Variants in TECPR2 observed in about 807,000 individuals in gnomAD.
TECPR2 encodes tectonin beta-propeller repeat-containing protein 2.
In TECPR2, 65 loss-of-function variants were observed where a neutral mutation model predicts 138.1. The ratio of observed to expected loss-of-function variants is 0.47; its 90% confidence interval spans 0.39 to 0.58. TECPR2 has a LOEUF of 0.58. Among genes scored for constraint, TECPR2 ranks in the 20% least tolerant of loss-of-function variants. The pLI, the probability that TECPR2 is intolerant of heterozygous loss-of-function variation, is 0.00. For missense variants in TECPR2, 1,553 were observed against 1,824.5 expected, an observed-to-expected ratio of 0.85 and a Z score of 2.71; for synonymous variants, 746 against 749.8, an observed-to-expected ratio of 0.99 and a Z score of 0.08.
chr14:102,432,195 C>T lies in TECPR2; in HGVS notation c.1417+67C>T, dbSNP rs1217485714. On this transcript the variant is annotated intron_variant, in intron 8 of 19. Transcript: ENST00000359520. ...CTTTCCAGATTCTCTGGGAGTGCTGCTGCTCACTGAGTGAGCAATGCTCCA... is the reference window on the plus strand; with the variant it reads ...CTTTCCAGATTCTCTGGGAGTGCTGTTGCTCACTGAGTGAGCAATGCTCCA... 7 of 1,396,276 alleles carry T rather than the reference C, an allele frequency of 5.0e-6. No homozygotes were observed. The East Asian group carries it at 1.5e-4, about 30-fold the overall frequency. The allele number at this position is 1,396,276 out of a possible 1,614,324, so 86.5% of individuals were successfully genotyped here.
intron 4 of TECPR2, among the ~76,000 whole-genome samples, chr14:102,409,662 A>G (rs536262227): frequency 5.3e-5 from 8 of 152,252 alleles, no homozygotes; most frequent in African/African-American, 1.9e-4. Context: ...GACCTAGTAC[A>G]AATATTCTCT....
At position 102,443,546 on chromosome 14, in the gene TECPR2, G is replaced by A. The variant is rs1163210970; in HGVS notation, c.2753-101G>A. On this transcript the variant is annotated intron_variant, in intron 11 of 19. Coordinates refer to ENST00000359520, the MANE Select transcript of TECPR2 (RefSeq NM_014844.5). The surrounding 1 kb of genome is among the most constrained non-coding windows in gnomAD (Gnocchi z 4.9). The stretch of plus-strand genomic sequence containing the variant: ...AAAGCACTCATCATAAAAGAATATA[G>A]CAAAATACCAAAAAAGGAAAAATAA... The A allele has an allele frequency of 1.4e-5, 17 of 1,185,668 alleles. No individual in the cohort carries two copies. The highest frequency in any genetic ancestry group is 3.3e-5 in the Admixed American group (1 of 29,968). 73.4% of individuals were successfully genotyped at this position (1,185,668 alleles called of 1,614,324 possible).
chr14:102,431,308 A>G (rs868151589), intron 7 of TECPR2, among the ~76,000 whole-genome samples: 1 of 149,460 alleles, frequency 6.7e-6, no homozygotes, highest in Non-Finnish European at 1.5e-5. Flanking sequence ...TGTTTCTTAG[A>G]GTCTTTTGTA....
intron 7 of TECPR2, among the ~76,000 whole-genome samples, chr14:102,430,179 AC>A (rs1889430294): frequency 6.6e-6 from 1 of 152,000 alleles, no homozygotes; most frequent in African/African-American, 2.4e-5. Flanking sequence ...GCACCATGTT[AC>A]CCAGGCTGGT....
intron 2 of TECPR2, among the ~76,000 whole-genome samples, chr14:102,391,193 G>A (rs2139674959): frequency 6.6e-6 from 1 of 152,248 alleles, no homozygotes; most frequent in East Asian, 1.9e-4. Flanking sequence ...AAATAGCTGG[G>A]ATTACAGGTG....
At chr14:102,430,988 T>C (rs974072777) in intron 7 of TECPR2, among the ~76,000 whole-genome samples, 4 of 151,892 alleles carry the variant, frequency 2.6e-5, no homozygotes, top group Non-Finnish European at 5.9e-5. Context: ...ATTTGTAAAT[T>C]GAAGCGAGAA....
intron 2 of TECPR2, among the ~76,000 whole-genome samples, chr14:102,385,666 G>A (rs1003029697): frequency 6.6e-6 from 1 of 152,304 alleles, no homozygotes; most frequent in South Asian, 2.1e-4. Context: ...AGGCATAGTG[G>A]CACACACCTG....
intron 1 of TECPR2, among the ~76,000 whole-genome samples, chr14:102,364,386 G>A (rs1011971109): frequency 1.3e-5 from 2 of 152,256 alleles, no homozygotes; most frequent in African/African-American, 4.8e-5. Flanking sequence ...TTTGGCCATC[G>A]TGTGCCAGCA....
chr14:102,477,160 A>T (rs1890783851), intron 17 of TECPR2, among the ~76,000 whole-genome samples: 5 of 152,248 alleles, frequency 3.3e-5, no homozygotes, highest in Admixed American at 3.3e-4. Context: ...ACCTGAGGTC[A>T]GTAGTTCAAG....
chr14:102,394,558 G>A (rs1174492991), intron 2 of TECPR2, among the ~76,000 whole-genome samples: 7 of 152,060 alleles, frequency 4.6e-5, no homozygotes, highest in African/African-American at 7.2e-5. Context: ...AGCCATGATC[G>A]GGCCACTGCA....
At position 102,497,057 on chromosome 14, in the gene TECPR2, G is replaced by A. The variant is rs759184941; in HGVS notation, c.3868G>A (p.Val1290Met). ...MLWVLDSRWN[V>M]HVRTGITEEM... ...GTGGGTGCTTGACAGCAGGTGGAAC[G>A]TGCACGTGCGGACCGGGATCACCGA... is the stretch of plus-strand genomic sequence containing the variant. Residue 1290 changes from valine to methionine, a missense_variant, in exon 18 of 20, where the codon GTG becomes ATG. Transcript: ENST00000359520. 68 of 1,613,706 alleles carry A rather than the reference G, an allele frequency of 4.2e-5. No individual in the cohort carries two copies. The highest frequency in any genetic ancestry group is 1.6e-4 in the Middle Eastern group (1 of 6,084).
At chr14:102,495,114 T>C (rs1053864048) in intron 17 of TECPR2, among the ~76,000 whole-genome samples, 1 of 152,036 alleles carries the variant, frequency 6.6e-6, no homozygotes, top group Non-Finnish European at 1.5e-5. Flanking sequence ...CTTGGGAAGC[T>C]GAGGTGGGAG....
At chr14:102,468,193 G>A (rs557487467) in intron 17 of TECPR2, among the ~76,000 whole-genome samples, 4 of 148,506 alleles carry the variant, frequency 2.7e-5, no homozygotes, top group African/African-American at 9.9e-5. Flanking sequence ...TACTGAGTTT[G>A]TTTGTTTGTT....
chr14:102,492,948 G>T (rs757263559), intron 17 of TECPR2, among the ~76,000 whole-genome samples: 1 of 152,198 alleles, frequency 6.6e-6, no homozygotes. Flanking sequence ...TTCCAGAGAC[G>T]TTGCGAGGTG....
In TECPR2 at chr14:102,425,788, C is replaced by A. The variant is rs141576450; in HGVS notation, c.951+497C>A. 7.9e-3 allele frequency among the ~76,000 whole-genome samples: 1,194 copies of A among 150,692 alleles called. 12 individuals carry two copies. The highest frequency in any genetic ancestry group is 0.023 in the African/African-American group (956 of 40,988). On this transcript the variant is annotated intron_variant, in intron 6 of 19. Coordinates refer to ENST00000359520, the MANE Select transcript of TECPR2 (RefSeq NM_014844.5). ...ACAGGGTTTCACAATGTTGGTCAGG[C>A]TGGTCTTGAACTCCTGACCTCGTGA...
chr14:102,474,914 T>C (rs1890725712), intron 17 of TECPR2, among the ~76,000 whole-genome samples: 1 of 152,116 alleles, frequency 6.6e-6, no homozygotes, highest in Non-Finnish European at 1.5e-5. Context: ...CACTTCCTTC[T>C]GCAGATGAGG....
intron 7 of TECPR2, 151 bp downstream of exon 7, chr14:102,428,533 G>A: frequency 2.5e-6 from 3 of 1,214,896 alleles, no homozygotes; most frequent in Non-Finnish European, 3.4e-6. Context: ...GGCTGAGGTG[G>A]GTGGATCGCT....
At chr14:102,459,697 G>A (rs1371624975) in intron 16 of TECPR2, among the ~76,000 whole-genome samples, 1 of 152,182 alleles carries the variant, frequency 6.6e-6, no homozygotes, top group Non-Finnish European at 1.5e-5. Context: ...GAACCCGGGA[G>A]GTGGAGGTTA....
chr14:102,436,474 C>T (rs1328804656), intron 9 of TECPR2, among the ~76,000 whole-genome samples: 1 of 152,136 alleles, frequency 6.6e-6, no homozygotes, highest in African/African-American at 2.4e-5. Flanking sequence ...CATGTGCCAC[C>T]ATGCCCAGCT....
Sources: gnomAD v4.1 joint callset for allele counts (sites outside exome capture counted in the v4.1 genomes callset) on GRCh38, gnomAD v4.1.1 for gene constraint, Gnocchi (gnomAD v3.1) non-coding constraint, MANE v1.5 for transcripts, NCBI Gene and HGNC (gene_info 2026-07-23, HGNC 2026-07-21) for gene names.